The following RASGRP3 variants were observed in gnomAD, a reference collection of about 807,000 sequenced individuals.
RASGRP3 encodes RAS guanyl releasing protein 3, also known as ras guanyl-releasing protein 3.
A neutral mutation model predicts 82.7 loss-of-function variants in RASGRP3; 54 were observed. The observed-to-expected ratio is 0.65, with a 90% CI of 0.52 to 0.82. The LOEUF (loss-of-function observed/expected upper bound fraction) is 0.82. Among genes scored for constraint, RASGRP3 ranks in the 40% least tolerant of loss-of-function variants. The pLI is 0.00. For missense variants in RASGRP3, 861 were observed against 828.9 expected (o/e 1.04, Z -0.48); for synonymous variants, 309 against 300.5 (o/e 1.03, Z -0.29).
intron 10 of RASGRP3, among the ~76,000 whole-genome samples, chr2:33,527,987 C>A (rs774181856): frequency 2.5e-4 from 38 of 152,172 alleles, no homozygotes; most frequent in Non-Finnish European, 5.1e-4. Context: ...ACTTTCCACC[C>A]CATGAAATGC....
chr2:33,482,080 C>T (rs1667985138), intron 1 of RASGRP3: 1 of 150,796 alleles, frequency 6.6e-6, no homozygotes, highest in Non-Finnish European at 1.5e-5. Context: ...GTGGCACAAT[C>T]TCGGCTCACT....
At chr2:33,557,576 G>A (rs1676132482) in intron 15 of RASGRP3, among the ~76,000 whole-genome samples, 1 of 152,072 alleles carries the variant, frequency 6.6e-6, no homozygotes, top group African/African-American at 2.4e-5. Context: ...CAGGTGTGGT[G>A]GCGGGCACCT....
chr2:33,472,820 G>T (rs1211328024), upstream of RASGRP3, among the ~76,000 whole-genome samples: 3 of 147,696 alleles, frequency 2.0e-5, no homozygotes, highest in Non-Finnish European at 4.5e-5. Flanking sequence ...CGGGCGCGGT[G>T]GGTCACGCCT....
intron 11 of RASGRP3, among the ~76,000 whole-genome samples, chr2:33,538,253 A>G (rs1387062006): frequency 1.3e-5 from 2 of 152,232 alleles, no homozygotes; most frequent in African/African-American, 2.4e-5. Flanking sequence ...CTGTAATCCC[A>G]GCACTTTGGG....
At chr2:33,559,051 C>CAAAG in intron 17 of RASGRP3, 21 bp downstream of exon 17, 2 of 1,541,330 alleles carry the variant, frequency 1.3e-6, no homozygotes, top group Non-Finnish European at 1.7e-6. Context: ...GGTCAACCCA[C>CAAAG]AAAGAAAACC....
At chr2:33,534,068 C>T (rs1673360028) in intron 10 of RASGRP3, 1 of 465,042 alleles carries the variant, frequency 2.2e-6, no homozygotes. Context: ...CAGCACTGAG[C>T]ACCTGGGAGC....
intron 1 of RASGRP3, among the ~76,000 whole-genome samples, chr2:33,510,789 C>A (rs770946107): frequency 2.0e-5 from 3 of 152,156 alleles, no homozygotes; most frequent in Non-Finnish European, 4.4e-5. Flanking sequence ...ATAAGTCAGA[C>A]TTTCCCCATT....
rs756219727 is a variant in RASGRP3, at chr2:33,562,693, A to C, written c.2065-36A>C. The C allele has an allele frequency of 8.0e-5, 129 of 1,609,528 alleles. No homozygotes were observed. The highest frequency in any genetic ancestry group is 9.5e-5 in the Non-Finnish European group (112 of 1,176,080). ...GAACACTCTTATTTTGTTATATGAG[A>C]TCCAGCCATGCAATAGGTTCCAATT... is the stretch of plus-strand genomic sequence containing the variant. On this transcript the variant is annotated intron_variant, in intron 17 of 17. Transcript: ENST00000403687.
chr2:33,551,513 G>A (rs1675358830), intron 14 of RASGRP3, among the ~76,000 whole-genome samples: 1 of 152,140 alleles, frequency 6.6e-6, no homozygotes, highest in East Asian at 1.9e-4. Flanking sequence ...TCTGTCTTTT[G>A]GTGGGCTGTG....
chr2:33,527,220 C>G lies in RASGRP3; in HGVS notation c.891C>G (p.Phe297Leu), dbSNP rs749120154. Residue 297 changes from phenylalanine (F) to leucine (L), a missense_variant, in exon 10 of 18, where the codon TTC (phenylalanine) becomes TTG (leucine). Physicochemically the swap from Phe to Leu is conservative, Grantham distance 22. Transcript: ENST00000403687. ...AGGCCTTTGCCGACTGCGATGGCTT[C>G]AAAATCCCCATCCTTGGAGTACACT... ...YRKAFADCDGFKIPILGVHLK... is the reference protein window; with the variant it reads ...YRKAFADCDGLKIPILGVHLK... The G allele has an allele frequency of 1.2e-6, 2 of 1,614,052 alleles. No homozygotes were observed. The highest frequency in any genetic ancestry group is 3.3e-5 in the Admixed American group (2 of 60,032).
rs777543087 is a variant in RASGRP3 at position 33,558,117 on chromosome 2, G to A, written c.1580-94G>A. On this transcript the variant is annotated intron_variant, in intron 15 of 17. Transcript: ENST00000403687. ...TGAAATTCAACACAGAAACTGGGGT[G>A]GGGGAGGGGAGGGCTGACAAATCAA... 5.3e-5 allele frequency: 77 copies of A among 1,465,956 alleles called. 2 individuals are homozygous for A. The highest frequency in any genetic ancestry group is 4.6e-5 in the Non-Finnish European group (49 of 1,076,346). The allele number at this position is 1,465,956 out of a possible 1,614,324, so 90.8% of individuals were successfully genotyped here.
chr2:33,477,082 T>C (rs1225635812), intron 1 of RASGRP3, among the ~76,000 whole-genome samples: 2 of 152,182 alleles, frequency 1.3e-5, no homozygotes, highest in African/African-American at 4.8e-5. Flanking sequence ...TTCATTGAAG[T>C]GAGTTGATGA....
chr2:33,498,226 G>T (rs547293159), intron 1 of RASGRP3, among the ~76,000 whole-genome samples: 57 of 152,246 alleles, frequency 3.7e-4, no homozygotes, highest in African/African-American at 1.4e-3. Context: ...CACTTTACCT[G>T]TTATTAACTT....
At chr2:33,523,778 T>C (rs557628766) in intron 7 of RASGRP3, 101 bp from the exon 8 acceptor site, 1 of 1,159,104 alleles carries the variant, frequency 8.6e-7, no homozygotes, top group Admixed American at 2.4e-5. Flanking sequence ...AGAAATTGTG[T>C]TGTTACGAAA....
intron 13 of RASGRP3, among the ~76,000 whole-genome samples, chr2:33,545,077 T>C (rs1427229465): frequency 6.6e-6 from 1 of 152,250 alleles, no homozygotes; most frequent in East Asian, 1.9e-4. Context: ...AAATAGGACA[T>C]TGACTTAAAA....
At position 33,524,465 on chromosome 2, in the gene RASGRP3, A is replaced by T. The variant is rs370017312; in HGVS notation, c.724A>T (p.Met242Leu). ...LLQLKNFNTLMAVVGGLSHSS... is the reference protein window; with the variant it reads ...LLQLKNFNTLLAVVGGLSHSS... ...TCAGCTCAAAAATTTTAACACCCTG[A>T]TGGCAGTGGTGGGAGGCCTCAGTCA... Residue 242 changes from methionine to leucine, a missense_variant, in exon 9 of 18, where the codon ATG becomes TTG. Coordinates refer to ENST00000403687, the MANE Select transcript of RASGRP3 (RefSeq NM_001139488.2). 8.7e-6 allele frequency: 14 copies of T among 1,604,968 alleles called. No individual in the cohort carries two copies. The highest frequency in any genetic ancestry group is 1.2e-5 in the Non-Finnish European group (14 of 1,175,576).
Position 33,438,338 on chromosome 2 carries a change from G to A in RASGRP3, c.-385+1747G>A, listed in dbSNP as rs370030434. ...AGCACTTTGGGAGACCGAGGCGGGT[G>A]GATCACCTGAGGTTGGGAGTTTGAG... On this transcript the variant is annotated intron_variant, in intron 1 of 18. Transcript: ENST00000402538. 5.9e-5 allele frequency among the ~76,000 whole-genome samples: 9 copies of A among 152,198 alleles called. No individual in the cohort carries two copies. In the South Asian group the frequency reaches 6.2e-4, roughly 10 times the overall value.
Position 33,465,855 on chromosome 2 carries a change from C to T in RASGRP3, c.-261+17912C>T, listed in dbSNP as rs1224477508. On this transcript the variant is annotated intron_variant, in intron 2 of 18. Transcript: ENST00000402538. ...AATCCTAGGGCCCTTAAGAATCATGCTAAATCTATTTTGCTTTTTCTCTAT... is the reference window on the plus strand; with the variant it reads ...AATCCTAGGGCCCTTAAGAATCATGTTAAATCTATTTTGCTTTTTCTCTAT... Among the ~76,000 whole-genome samples the T allele has an allele frequency of 7.2e-5, 11 of 151,836 alleles. 1 individual carries two copies.
chr2:33,448,085 G>C (rs1665594192), intron 2 of RASGRP3: 1 of 152,108 alleles, frequency 6.6e-6, no homozygotes, highest in Admixed American at 6.6e-5. Context: ...CAACATTTTT[G>C]TTCTTCCTCA....
Sources: gnomAD v4.1 joint callset for allele counts (sites outside exome capture counted in the v4.1 genomes callset) on GRCh38, gnomAD v4.1.1 for gene constraint, MANE v1.5 for transcripts, NCBI Gene and HGNC (gene_info 2026-07-23, HGNC 2026-07-21) for gene names.